Variants in CEACAM1 observed in about 807,000 individuals in gnomAD.
CEACAM1 encodes cell adhesion molecule CEACAM1.
A neutral mutation model predicts 49.1 loss-of-function variants in CEACAM1; 31 were observed. That is an observed-to-expected ratio of 0.63 (90% confidence interval 0.47 to 0.85). The LOEUF (loss-of-function observed/expected upper bound fraction) is 0.85, where lower values mean the gene tolerates loss of function less well. CEACAM1 is among the 40% of genes least tolerant of loss of function. The probability of loss-of-function intolerance (pLI) is 0.00; values close to 1 mark genes in which losing one functional copy is unlikely to be tolerated. For synonymous variants in CEACAM1, 244 were observed against 247.8 expected (o/e 0.98, Z 0.14); for missense variants, 570 against 645.3 (o/e 0.88, Z 1.26).
At chr19:42,509,938 T>A (rs1383587969) in intron 8 of CEACAM1, among the ~76,000 whole-genome samples, 1 of 151,444 alleles carries the variant, frequency 6.6e-6, no homozygotes, top group Non-Finnish European at 1.5e-5. Context: ...GAAGGGTCTC[T>A]TTTTAAGGGG....
At chr19:42,524,979 C>A (rs773417466) in intron 2 of CEACAM1, among the ~76,000 whole-genome samples, 7 of 152,132 alleles carry the variant, frequency 4.6e-5, no homozygotes, top group Non-Finnish European at 7.4e-5. Context: ...GCAAGAACCT[C>A]CCAGGATTCT....
In CEACAM1 at chr19:42,521,521, T is replaced by A; in HGVS notation, c.704A>T (p.Tyr235Phe). The A allele has an allele frequency of 6.2e-7, 1 of 1,613,066 alleles. No homozygotes were observed. Among genetic ancestry groups the A allele is most frequent in the Non-Finnish European group, 8.5e-7 (1 of 1,179,432 alleles). ...RSDPVTLNVTYGPDTPTISPS... is the reference protein window; with the variant it reads ...RSDPVTLNVTFGPDTPTISPS... Reference sequence around the variant, plus strand: ...GGAAATGGTGGGGGTGTCCGGGCCATCTGGAGCAAAGAGAATAAAGCCACA... The same window carrying A: ...GGAAATGGTGGGGGTGTCCGGGCCAACTGGAGCAAAGAGAATAAAGCCACA... Residue 235 changes from tyrosine to phenylalanine, a missense_variant and splice_region_variant, in exon 4 of 9, where the codon TAT becomes TTT. Coordinates refer to ENST00000161559, the MANE Select transcript of CEACAM1 (RefSeq NM_001712.5).
chr19:42,514,184 T>G (rs1600218357), intron 5 of CEACAM1, among the ~76,000 whole-genome samples: 3 of 149,754 alleles, frequency 2.0e-5, no homozygotes, highest in African/African-American at 7.4e-5. Flanking sequence ...TAGGCTAGAG[T>G]GCAATGGCGT....
intron 5 of CEACAM1, chr19:42,518,514 T>C (rs2041654477): frequency 6.4e-6 from 1 of 155,256 alleles, no homozygotes; most frequent in Non-Finnish European, 1.4e-5. Flanking sequence ...TTTTTTTTTT[T>C]TGAGACAGAG....
At chr19:42,511,500 A>T (rs2041455701) in intron 7 of CEACAM1, 76 bp downstream of exon 7, 1 of 1,211,832 alleles carries the variant, frequency 8.3e-7, no homozygotes, top group African/African-American at 1.5e-5. Context: ...GTGGTTTGGG[A>T]ATCCAGGATT....
At chr19:42,519,530 C>T (rs888138978) in intron 4 of CEACAM1, 8 of 309,026 alleles carry the variant, frequency 2.6e-5, no homozygotes, top group South Asian at 1.1e-4. Context: ...GCGCACAGAC[C>T]GAGCAACCTC....
In CEACAM1 at chr19:42,516,971, C is replaced by G. The variant is rs116432099; in HGVS notation, c.1246+1977G>C. 280 of 304,504 alleles carry G rather than the reference C, an allele frequency of 9.2e-4. 2 individuals carry two copies. The highest frequency in any genetic ancestry group is 5.9e-3 in the African/African-American group (256 of 43,058). 18.9% of individuals were successfully genotyped at this position (304,504 alleles called of 1,614,324 possible). On this transcript the variant is annotated intron_variant, in intron 5 of 8. Transcript: ENST00000161559. ...CTACAGTAATCAAAACAGTATGGTA[C>G]TGGCAAAAAGAAATAGAAACCAGTG...
chr19:42,521,176 G>A, intron 4 of CEACAM1, 91 bp downstream of exon 4: 1 of 1,444,848 alleles, frequency 6.9e-7, no homozygotes, highest in Non-Finnish European at 9.5e-7. Flanking sequence ...TTGGATACAG[G>A]CTGCAAAAGA....
At chr19:42,509,310 G>A in intron 8 of CEACAM1, 82 bp from the exon 9 acceptor site, 1 of 1,488,020 alleles carries the variant, frequency 6.7e-7, no homozygotes, top group Non-Finnish European at 9.0e-7. Flanking sequence ...AGCACCACAA[G>A]CTGTTACCAT....
intron 8 of CEACAM1, among the ~76,000 whole-genome samples, chr19:42,509,842 G>A (rs1263984024): frequency 6.6e-6 from 1 of 152,110 alleles, no homozygotes; most frequent in Non-Finnish European, 1.5e-5. Flanking sequence ...GGCCAGGCTG[G>A]TTTAGAACTC....
chr19:42,511,931 G>T (rs1470792781), intron 6 of CEACAM1, among the ~76,000 whole-genome samples: 25 of 144,306 alleles, frequency 1.7e-4, no homozygotes, highest in Middle Eastern at 3.5e-3. Context: ...TCTATTTATT[G>T]TTCAAGAGGA....
At position 42,527,185 on chromosome 19, in the gene CEACAM1, C is replaced by T. The variant is rs770325557; in HGVS notation, c.280G>A (p.Ala94Thr). The T allele has an allele frequency of 2.1e-5, 34 of 1,614,026 alleles. 1 individual carries two copies. The South Asian group carries it at 2.4e-4, about 11-fold the overall frequency. The change falls in exon 2 of 9, where the codon GCA becomes ACA. Residue 94 changes from alanine (A) to threonine (T), a missense_variant. Ala to Thr is a moderately conservative substitution (Grantham distance 58, BLOSUM62 0). Transcript: ENST00000161559. ...IGTQQATPGP[A>T]NSGRETIYPN... is the part of the protein sequence containing the mutation. ...TATATTGTCTCTCGACCGCTGTTTGCGGGCCCTGGGGTAGCTTGTTGAGTT... is the reference window on the plus strand; with the variant it reads ...TATATTGTCTCTCGACCGCTGTTTGTGGGCCCTGGGGTAGCTTGTTGAGTT...
At chr19:42,526,801 G>A (rs1263246395) in intron 2 of CEACAM1, among the ~76,000 whole-genome samples, 3 of 152,116 alleles carry the variant, frequency 2.0e-5, no homozygotes, top group Admixed American at 6.5e-5. Context: ...GTCTCCCCTC[G>A]ATAAGTTACC....
At chr19:42,509,335 T>A (rs2041398409) in intron 8 of CEACAM1, 107 bp from the exon 9 acceptor site, 4 of 1,326,038 alleles carry the variant, frequency 3.0e-6, no homozygotes, top group Non-Finnish European at 4.1e-6. Flanking sequence ...AAATTTTAGC[T>A]CTGGAGAAGG....
chr19:42,512,638 C>T (rs564673907), intron 5 of CEACAM1, among the ~76,000 whole-genome samples, 159 bp from the exon 6 acceptor site: 2 of 151,718 alleles, frequency 1.3e-5, no homozygotes, highest in South Asian at 2.1e-4. Flanking sequence ...TAACTATATC[C>T]TTGCAATTTT....
At chr19:42,522,502 G>A (rs757495895) in intron 2 of CEACAM1, among the ~76,000 whole-genome samples, 19 of 151,632 alleles carry the variant, frequency 1.3e-4, no homozygotes, top group Admixed American at 3.9e-4. Context: ...CGCCCGATTC[G>A]GCCTCTCAAA....
chr19:42,521,482 T>G lies in CEACAM1; in HGVS notation c.743A>C (p.Tyr248Ser), dbSNP rs761094287. The change falls in exon 4 of 9, where the codon TAT becomes TCT. Residue 248 changes from tyrosine (Y) to serine (S), a missense_variant. Transcript: ENST00000161559. The stretch of plus-strand genomic sequence containing the variant: ...GCTGAGGTTTGCCCCTGGACGGTAA[T>G]AGGTGTCTGAAGGGGAAATGGTGGG... ...DTPTISPSDT[Y>S]YRPGANLSLS... The G allele has an allele frequency of 6.2e-7, 1 of 1,613,944 alleles. No homozygotes were observed. Among genetic ancestry groups the G allele is most frequent in the Non-Finnish European group, 8.5e-7 (1 of 1,179,996 alleles).
intron 2 of CEACAM1, among the ~76,000 whole-genome samples, chr19:42,526,840 A>G (rs1293913040): frequency 6.6e-6 from 1 of 152,060 alleles, no homozygotes; most frequent in Non-Finnish European, 1.5e-5. Context: ...CTCTGAAGCA[A>G]ATGTCTGCAG....
Position 42,509,232 on chromosome 19 carries a change from A to C in CEACAM1, c.1462-4T>G. 1 of 1,604,536 alleles carries C rather than the reference A, an allele frequency of 6.2e-7. No homozygotes were observed. Among genetic ancestry groups the C allele is most frequent in the South Asian group, 1.1e-5 (1 of 89,224 alleles). On this transcript the variant is annotated splice_region_variant and splice_polypyrimidine_tract_variant and intron_variant, in intron 8 of 8. Transcript: ENST00000161559. ...TAGAATAAGTAACTTCATTCATCTGAAAAGCACAAATAATGATCAGTTAAG... is the reference window on the plus strand; with the variant it reads ...TAGAATAAGTAACTTCATTCATCTGCAAAGCACAAATAATGATCAGTTAAG...
Sources: allele counts gnomAD v4.1 joint callset (sites outside exome capture counted in the v4.1 genomes callset), GRCh38; gene constraint gnomAD v4.1.1; transcripts MANE v1.5; gene names NCBI Gene and HGNC (gene_info 2026-07-23, HGNC 2026-07-21).